Variants in SYNE1 observed in about 807,000 individuals in gnomAD.
The protein encoded by SYNE1 is nesprin-1.
A neutral mutation model predicts 1,111.0 loss-of-function variants in SYNE1; 616 were observed. The ratio of observed to expected loss-of-function variants is 0.55; its 90% CI spans 0.52 to 0.59. The LOEUF is 0.59. Ranked by LOEUF, SYNE1 falls within the 20% of genes least tolerant of loss-of-function variation. SYNE1 has a pLI of 0.00. For synonymous variants in SYNE1, 3,855 were observed against 3,825.8 expected, an observed-to-expected ratio of 1.01 and a Z score of -0.28; for missense variants, 10,006 against 10,417.0, an observed-to-expected ratio of 0.96 and a Z score of 1.72.
intron 105 of SYNE1, among the ~76,000 whole-genome samples, chr6:152,248,350 C>G (rs1034044955): frequency 1.3e-5 from 2 of 151,926 alleles, no homozygotes. Context: ...AGCATGTACA[C>G]AAACAAAAAT....
chr6:152,462,731 C>T lies in SYNE1; in HGVS notation c.2250+7G>A. On this transcript the variant is annotated splice_region_variant and intron_variant, in intron 20 of 145. Coordinates refer to ENST00000367255, the MANE Select transcript of SYNE1 (RefSeq NM_182961.4). ...AGGCTTTTCATTTTGATTCAGAAAC[C>T]CCTCACCTCCAAGTCTTGAATTAAT... is the stretch of plus-strand genomic sequence containing the variant. 1 of 1,613,898 alleles carries T rather than the reference C, an allele frequency of 6.2e-7. No individual in the cohort carries two copies. Among genetic ancestry groups the T allele is most frequent in the Non-Finnish European group, 8.5e-7 (1 of 1,179,910 alleles).
intron 98 of SYNE1, among the ~76,000 whole-genome samples, chr6:152,271,337 C>T (rs1031749276): frequency 1.3e-5 from 2 of 152,118 alleles, no homozygotes; most frequent in African/African-American, 4.8e-5. Context: ...CAGTAAAAAC[C>T]TGTAGGTAAT....
intron 3 of SYNE1, among the ~76,000 whole-genome samples, chr6:152,625,884 C>A (rs959364183): frequency 3.3e-5 from 5 of 152,128 alleles, no homozygotes; most frequent in Non-Finnish European, 2.9e-5. Context: ...TTTAAATCTC[C>A]TTTAGTAAAT....
At chr6:152,204,908 T>C (rs577313593) in intron 126 of SYNE1, among the ~76,000 whole-genome samples, 2 of 152,272 alleles carry the variant, frequency 1.3e-5, no homozygotes, top group South Asian at 4.1e-4. Flanking sequence ...AAAAAATATA[T>C]GATTAACATG....
chr6:152,517,445 T>C (rs1425120837), intron 6 of SYNE1, among the ~76,000 whole-genome samples: 1 of 152,236 alleles, frequency 6.6e-6, no homozygotes. Context: ...GAATTACATG[T>C]GCATTTACCT....
Position 152,233,763 on chromosome 6 carries a change from A to C in SYNE1, c.20712+18T>G. 6.2e-7 allele frequency: 1 copy of C among 1,614,166 alleles called. No homozygotes were observed. Among genetic ancestry groups the C allele is most frequent in the Non-Finnish European group, 8.5e-7 (1 of 1,180,028 alleles). On this transcript the variant is annotated intron_variant, in intron 112 of 145. Transcript: ENST00000367255. ...AGCTTAAGTCAGCTATTTCCCACGA[A>C]AGCAATCCTTTCTGTACCTGGTGGA...
intron 6 of SYNE1, among the ~76,000 whole-genome samples, chr6:152,518,210 T>G (rs2099122021): frequency 6.7e-6 from 1 of 150,298 alleles, no homozygotes; most frequent in Non-Finnish European, 1.5e-5. Context: ...CATGGGTTAG[T>G]GACATACTAG....
intron 3 of SYNE1, among the ~76,000 whole-genome samples, chr6:152,612,904 T>C (rs2099635760): frequency 3.3e-5 from 5 of 152,136 alleles, no homozygotes. Flanking sequence ...AACCACATGA[T>C]TATCTCAATA....
chr6:152,529,023 G>C (rs1445388256), intron 4 of SYNE1, among the ~76,000 whole-genome samples: 2 of 152,170 alleles, frequency 1.3e-5, no homozygotes, highest in South Asian at 2.1e-4. Flanking sequence ...CTTTTAAAGA[G>C]AGGATGGTGT....
In SYNE1 at chr6:152,334,341, C is replaced by T. The variant is rs147585842; in HGVS notation, c.12529-68G>A. On this transcript the variant is annotated intron_variant, in intron 76 of 145. Coordinates refer to ENST00000367255, the MANE Select transcript of SYNE1 (RefSeq NM_182961.4). ...ATGCCCAAATAAATATAGAGAGCAA[C>T]ACAGACATAAGACCTTTAAACACTC... 161 of 1,564,624 alleles carry T rather than the reference C, an allele frequency of 1.0e-4. 1 individual carries two copies. In the East Asian group the frequency reaches 3.6e-3, roughly 35 times the overall value.
Position 152,357,931 on chromosome 6 carries a change from C to T in SYNE1, c.10608+442G>A, listed in dbSNP as rs114248920. On this transcript the variant is annotated intron_variant, in intron 66 of 145. Coordinates refer to ENST00000367255, the MANE Select transcript of SYNE1 (RefSeq NM_182961.4). ...ATTCCTTCTTCTAGAACTCTGAGCCCGAACCGGTACCATCAGCAATGTGGC... is the reference window on the plus strand; with the variant it reads ...ATTCCTTCTTCTAGAACTCTGAGCCTGAACCGGTACCATCAGCAATGTGGC... Among the ~76,000 whole-genome samples, 859 of 152,244 alleles carry T rather than the reference C, an allele frequency of 5.6e-3. 8 individuals are homozygous for T. The highest frequency in any genetic ancestry group is 0.02 in the African/African-American group (815 of 41,538).
At chr6:152,195,400 T>C (rs1278607680) in intron 127 of SYNE1, among the ~76,000 whole-genome samples, 1 of 152,188 alleles carries the variant, frequency 6.6e-6, no homozygotes, top group African/African-American at 2.4e-5. Flanking sequence ...TTTATTGTAG[T>C]TGTAGTCGGG....
At position 152,510,227 on chromosome 6, in the gene SYNE1, C is replaced by G; in HGVS notation, c.547G>C (p.Ala183Pro). 6.2e-7 allele frequency: 1 copy of G among 1,613,922 alleles called. No homozygotes were observed. The highest frequency in any genetic ancestry group is 1.3e-5 in the African/African-American group (1 of 74,958). The change falls in exon 8 of 146, where the codon GCT becomes CCT. Residue 183 changes from alanine (A) to proline (P), a missense_variant. Ala to Pro is a conservative substitution (Grantham distance 27). This residue lies in a region of SYNE1 where 1,971 missense variants were observed against 2,084.1 expected (regional missense o/e 0.95). Transcript: ENST00000367255. ...GTGTACTGAACCCACTTTAATAAAGCCTTCTTAGCATTTCCTTGGATCTTG... is the reference window on the plus strand; with the variant it reads ...GTGTACTGAACCCACTTTAATAAAGGCTTCTTAGCATTTCCTTGGATCTTG... ...TTKIQGNAKKALLKWVQYTAG... is the reference protein window; with the variant it reads ...TTKIQGNAKKPLLKWVQYTAG...
chr6:152,143,914 C>T (rs1586068469), intron 137 of SYNE1, 149 bp from the exon 138 acceptor site: 7 of 1,134,570 alleles, frequency 6.2e-6, no homozygotes, highest in East Asian at 2.5e-5. Flanking sequence ...TTAGTACCAT[C>T]GTGCCGGTGG....
intron 91 of SYNE1, 100 bp from the exon 92 acceptor site, chr6:152,302,163 G>A: frequency 6.5e-7 from 1 of 1,530,562 alleles, no homozygotes; most frequent in Non-Finnish European, 9.0e-7. Flanking sequence ...TGAGCGCGCA[G>A]AGCCGCGCGG....
At chr6:152,197,174 C>A (rs1361629303) in intron 127 of SYNE1, among the ~76,000 whole-genome samples, 2 of 152,218 alleles carry the variant, frequency 1.3e-5, no homozygotes, top group Non-Finnish European at 2.9e-5. Flanking sequence ...CCAAGGTTGT[C>A]TTTCCTACCC....
At chr6:152,301,333 T>TGGTGCAGAATAGAAAATAAC (rs1167905108) in intron 92 of SYNE1, among the ~76,000 whole-genome samples, 2 of 152,198 alleles carry the variant, frequency 1.3e-5, no homozygotes, top group East Asian at 3.8e-4. Context: ...AGGAAAATAG[T>TGGTGCAGAATAGAAAATAAC]GGTGCAGAAT....
At chr6:152,127,705 G>C in intron 145 of SYNE1, 1 of 152,256 alleles carries the variant, frequency 6.6e-6, no homozygotes, top group Non-Finnish European at 1.5e-5. Context: ...TTAGAGGGGA[G>C]AGGCTCTGTG....
At chr6:152,620,533 C>T (rs2099673139) in intron 3 of SYNE1, among the ~76,000 whole-genome samples, 3 of 152,140 alleles carry the variant, frequency 2.0e-5, no homozygotes, top group Admixed American at 2.0e-4. Context: ...AATGCTGTTC[C>T]ACACAACAGT....
Sources: allele counts gnomAD v4.1 joint callset (sites outside exome capture counted in the v4.1 genomes callset), GRCh38; gene constraint gnomAD v4.1.1; regional missense constraint gnomAD v4.1.1; transcripts MANE v1.5; gene names NCBI Gene and HGNC (gene_info 2026-07-23, HGNC 2026-07-21).